The following DOK6 variants were observed in gnomAD, a reference collection of about 807,000 sequenced individuals.
DOK6 encodes docking protein 6, also known as downstream of tyrosine kinase 6.
A neutral mutation model predicts 44.0 loss-of-function variants in DOK6; 22 were observed. The observed-to-expected ratio is 0.50, with a 90% CI of 0.36 to 0.71. DOK6 has a LOEUF of 0.71. Ranked by LOEUF, DOK6 falls within the 30% of genes least tolerant of loss-of-function variation. DOK6 has a pLI of 0.00. For synonymous variants in DOK6, 166 were observed against 145.5 expected (o/e 1.14, Z -1.01); for missense variants, 340 against 416.4 (o/e 0.82, Z 1.60).
intron 4 of DOK6, among the ~76,000 whole-genome samples, chr18:69,693,312 GAA>G (rs10554189): frequency 0.27 from 34,527 of 126,008 alleles, 4,192 homozygotes; most frequent in Middle Eastern, 0.36. Context: ...CTTCTTTGAA[GAA>G]AAAAAAAAAA....
At chr18:69,740,220 A>G (rs560119030) in intron 6 of DOK6, among the ~76,000 whole-genome samples, 2 of 152,324 alleles carry the variant, frequency 1.3e-5, no homozygotes, top group Admixed American at 1.3e-4. Flanking sequence ...AGAATCATCA[A>G]TTAGAGAGGG....
chr18:69,456,297 A>G (rs1012571155), intron 1 of DOK6, among the ~76,000 whole-genome samples: 1 of 152,046 alleles, frequency 6.6e-6, no homozygotes, highest in African/African-American at 2.4e-5. Context: ...GTAATTTTTC[A>G]ACCCATGCAT....
chr18:69,664,384 A>T (rs1985603466), intron 3 of DOK6, among the ~76,000 whole-genome samples: 1 of 152,210 alleles, frequency 6.6e-6, no homozygotes, highest in African/African-American at 2.4e-5. Context: ...ACAATACTTC[A>T]TATAAATGGA....
At chr18:69,401,493 A>C (rs764541066) in intron 1 of DOK6, among the ~76,000 whole-genome samples, 183 bp downstream of exon 1, 7 of 151,958 alleles carry the variant, frequency 4.6e-5, no homozygotes, top group Non-Finnish European at 7.4e-5. Flanking sequence ...GGCTCCGCAG[A>C]CGGACCTGGG....
Position 69,845,436 on chromosome 18 carries a change from C to A in DOK6, c.*4053C>A, listed in dbSNP as rs756104300. On this transcript the variant is annotated 3_prime_UTR_variant, in exon 8 of 8. Transcript: ENST00000382713. ...TATGATCTCCCAAACACAGCCTTCT[C>A]AAAATCGATAAAAATTTGCCACTGA... The A allele has an allele frequency of 2.0e-5, 3 of 152,144 alleles. No individual in the cohort carries two copies. Among genetic ancestry groups the A allele is most frequent in the Non-Finnish European group, 2.9e-5 (2 of 68,028 alleles). 9.4% of individuals were successfully genotyped at this position (152,144 alleles called of 1,614,324 possible). A position where few individuals can be genotyped will look rare whatever the true frequency, so the allele number is the denominator to read the frequency against.
intron 1 of DOK6, among the ~76,000 whole-genome samples, chr18:69,402,044 G>T (rs1916111983): frequency 6.6e-6 from 1 of 152,198 alleles, no homozygotes; most frequent in Non-Finnish European, 1.5e-5. Flanking sequence ...AGACGAGGCG[G>T]TAGGAGGGAC....
intron 7 of DOK6, among the ~76,000 whole-genome samples, chr18:69,819,220 C>T (rs764381430): frequency 1.3e-5 from 2 of 152,078 alleles, no homozygotes; most frequent in Non-Finnish European, 2.9e-5. Flanking sequence ...GTATCTTAAT[C>T]ATAGGATAGT....
chr18:69,518,430 C>T (rs188949032), intron 1 of DOK6, among the ~76,000 whole-genome samples: 1 of 152,014 alleles, frequency 6.6e-6, no homozygotes, highest in Admixed American at 6.6e-5. Flanking sequence ...TCCTCAACAG[C>T]CCCCTTCTTA....
chr18:69,423,120 T>C (rs867026405), intron 1 of DOK6, among the ~76,000 whole-genome samples: 8 of 152,278 alleles, frequency 5.3e-5, no homozygotes, highest in African/African-American at 1.4e-4. Context: ...CTTGGGTACA[T>C]GGGGAAACCC....
intron 1 of DOK6, among the ~76,000 whole-genome samples, chr18:69,475,631 G>A (rs895355067): frequency 1.3e-5 from 2 of 152,064 alleles, no homozygotes; most frequent in African/African-American, 2.4e-5. Context: ...TATTTTTACT[G>A]CCATCATCCC....
intron 7 of DOK6, among the ~76,000 whole-genome samples, chr18:69,783,549 G>T (rs1476035061): frequency 2.6e-5 from 4 of 152,270 alleles, no homozygotes; most frequent in African/African-American, 9.6e-5. Context: ...TCCAGGTGCT[G>T]ATGGCATTCT....
intron 7 of DOK6, 77 bp downstream of exon 7, chr18:69,757,950 T>A: frequency 8.2e-7 from 1 of 1,226,622 alleles, no homozygotes; most frequent in Non-Finnish European, 1.2e-6. Flanking sequence ...AATTGCTTTG[T>A]ATTTGCATTG....
chr18:69,673,865 A>C (rs922613174), intron 3 of DOK6, among the ~76,000 whole-genome samples: 2 of 152,180 alleles, frequency 1.3e-5, no homozygotes, highest in Non-Finnish European at 2.9e-5. Context: ...ACTTTATAGA[A>C]CCCTTTAATG....
intron 1 of DOK6, among the ~76,000 whole-genome samples, chr18:69,407,693 C>T (rs1406674899): frequency 6.6e-6 from 1 of 152,098 alleles, no homozygotes; most frequent in East Asian, 1.9e-4. Context: ...TGATATTTTG[C>T]TATAAGCAAG....
chr18:69,720,034 C>G (rs778043080), intron 5 of DOK6, among the ~76,000 whole-genome samples: 1 of 152,080 alleles, frequency 6.6e-6, no homozygotes, highest in Non-Finnish European at 1.5e-5. Flanking sequence ...ACTAAAAATA[C>G]AAAAATTAGC....
At chr18:69,706,677 TC>T (rs1986642869) in intron 5 of DOK6, among the ~76,000 whole-genome samples, 3 of 17,794 alleles carry the variant, frequency 1.7e-4, no homozygotes, top group South Asian at 4.7e-3. Flanking sequence ...CCTCCCCCCC[TC>T]CCCCCTCCCC....
intron 4 of DOK6, among the ~76,000 whole-genome samples, chr18:69,695,661 T>C (rs905667399): frequency 6.6e-6 from 1 of 152,242 alleles, no homozygotes; most frequent in African/African-American, 2.4e-5. Context: ...GGTAACATAA[T>C]GTGCTGCCTT....
At chr18:69,450,650 C>T (rs1368136716) in intron 1 of DOK6, among the ~76,000 whole-genome samples, 5 of 152,114 alleles carry the variant, frequency 3.3e-5, no homozygotes, top group Admixed American at 3.3e-4. Context: ...ATGTTAAGGG[C>T]AGCCAGAGAG....
intron 2 of DOK6, among the ~76,000 whole-genome samples, chr18:69,595,415 T>C (rs542573920): frequency 1.3e-4 from 20 of 152,282 alleles, no homozygotes; most frequent in African/African-American, 4.6e-4. Flanking sequence ...AACAAGATGA[T>C]TTTTTTCCCT....
Sources: gnomAD v4.1 joint callset for allele counts (sites outside exome capture counted in the v4.1 genomes callset) on GRCh38, gnomAD v4.1.1 for gene constraint, MANE v1.5 for transcripts, NCBI Gene and HGNC (gene_info 2026-07-23, HGNC 2026-07-21) for gene names.